PLS3: variants seen among roughly 807,000 people sequenced by gnomAD.
PLS3 encodes plastin-3.
Under a neutral mutation model 46.5 loss-of-function variants are expected in PLS3, and 11 were observed. The observed-to-expected ratio is 0.24, with a 90% CI of 0.15 to 0.39. The LOEUF is 0.39. Among genes scored for constraint, PLS3 ranks in the 10% least tolerant of loss-of-function variants. The probability of loss-of-function intolerance (pLI) is 1.00; values close to 1 mark genes in which losing one functional copy is unlikely to be tolerated. For synonymous variants in PLS3, 167 were observed against 162.2 expected, an observed-to-expected ratio of 1.03 and a Z score of -0.22; for missense variants, 308 against 461.8, an observed-to-expected ratio of 0.67 and a Z score of 3.05.
At chrX:115,607,943 G>C (rs899010311) in intron 1 of PLS3, among the ~76,000 whole-genome samples, 7 of 111,985 alleles carry the variant, frequency 6.3e-5, no homozygotes, top group African/African-American at 2.3e-4. Context: ...CCAGTCCTGA[G>C]AGCCCAGGTC....
chrX:115,620,485 C>A (rs1450631054), intron 2 of PLS3, among the ~76,000 whole-genome samples: 2 of 109,712 alleles, frequency 1.8e-5, no homozygotes, highest in African/African-American at 3.3e-5. Context: ...TCTCTATAAC[C>A]CAGGGTTACT....
intron 1 of PLS3, among the ~76,000 whole-genome samples, chrX:115,561,791 G>T (rs782608138): frequency 2.7e-5 from 3 of 111,339 alleles, no homozygotes; most frequent in Non-Finnish European, 5.7e-5. Flanking sequence ...GGCTTAAGCC[G>T]ACCCTGGGGC....
chrX:115,607,572 C>T (rs782580339), intron 1 of PLS3, among the ~76,000 whole-genome samples: 1 of 107,705 alleles, frequency 9.3e-6, no homozygotes, highest in East Asian at 3.0e-4. Context: ...GATCTCCGCT[C>T]ACTGCAACCT....
intron 1 of PLS3, among the ~76,000 whole-genome samples, chrX:115,570,704 G>A (rs1286828610): frequency 1.9e-5 from 2 of 106,510 alleles, no homozygotes; most frequent in African/African-American, 6.8e-5. Context: ...TAGTAGAGAT[G>A]GGATTTCCCC....
chrX:115,574,005 A>G (rs2074233304), intron 1 of PLS3, among the ~76,000 whole-genome samples: 1 of 111,185 alleles, frequency 9.0e-6, no homozygotes, highest in Non-Finnish European at 1.9e-5. Flanking sequence ...TGCCTGTCCC[A>G]TTGTCACAGA....
intron 2 of PLS3, among the ~76,000 whole-genome samples, chrX:115,612,377 T>G (rs1169839841): frequency 8.9e-6 from 1 of 111,802 alleles, no homozygotes; most frequent in Non-Finnish European, 1.9e-5. Context: ...TCGATTTTCT[T>G]TAAAAAATCT....
At chrX:115,577,448 A>G (rs782226620) in intron 1 of PLS3, among the ~76,000 whole-genome samples, 54 of 102,874 alleles carry the variant, frequency 5.2e-4, no homozygotes, top group Admixed American at 1.1e-3. Flanking sequence ...ATTCCAGTAT[A>G]TTGAATATAC....
At chrX:115,580,222 A>G (rs1366115270) in intron 1 of PLS3, among the ~76,000 whole-genome samples, 1 of 112,051 alleles carries the variant, frequency 8.9e-6, no homozygotes, top group Non-Finnish European at 1.9e-5. Context: ...CTTTATCAGT[A>G]TTTCCTTTTA....
intron 2 of PLS3, 34 bp downstream of exon 2, chrX:115,610,357 C>G: frequency 2.6e-6 from 2 of 765,768 alleles, no homozygotes; most frequent in Non-Finnish European, 3.9e-6. Flanking sequence ...TATAGGGAAG[C>G]AATATTTATT....
At chrX:115,620,130 A>G (rs1363036565) in intron 2 of PLS3, among the ~76,000 whole-genome samples, 2 of 111,254 alleles carry the variant, frequency 1.8e-5, no homozygotes, top group African/African-American at 6.5e-5. Flanking sequence ...AACTACACGT[A>G]GATCACACTT....
intron 2 of PLS3, among the ~76,000 whole-genome samples, chrX:115,610,547 A>G (rs782675977): frequency 2.8e-5 from 3 of 108,190 alleles, no homozygotes; most frequent in Non-Finnish European, 5.8e-5. Context: ...GTAGTATTTA[A>G]TATGGTCAAA....
intron 1 of PLS3, among the ~76,000 whole-genome samples, chrX:115,598,681 C>G (rs2074412508): frequency 1.8e-5 from 2 of 112,008 alleles, no homozygotes; most frequent in Non-Finnish European, 3.8e-5. Flanking sequence ...TATATTAAGA[C>G]TAAGTTATTA....
chrX:115,609,844 A>G (rs1298158212), intron 1 of PLS3, among the ~76,000 whole-genome samples: 1 of 112,213 alleles, frequency 8.9e-6, no homozygotes, highest in African/African-American at 3.2e-5. Flanking sequence ...ACAGTGAATG[A>G]TTCTAAAGTG....
At chrX:115,562,094 G>A (rs736292) in intron 1 of PLS3, among the ~76,000 whole-genome samples, 50,091 of 108,631 alleles carry the variant, frequency 0.46, 9,014 homozygotes, top group South Asian at 0.57. Context: ...TCTTGGAGAG[G>A]GAGAGGCAAA....
chrX:115,639,815 A>G, intron 8 of PLS3: 1 of 404,787 alleles, frequency 2.5e-6, no homozygotes. Context: ...TAAGAAAACA[A>G]CATTCAAGTG....
intron 1 of PLS3, among the ~76,000 whole-genome samples, chrX:115,581,750 GT>G (rs1278437822): frequency 1.8e-5 from 2 of 112,444 alleles, no homozygotes; most frequent in African/African-American, 6.4e-5. Context: ...CTTTAATAAA[GT>G]GTATAACTGT....
intron 3 of PLS3, among the ~76,000 whole-genome samples, chrX:115,627,405 C>T (rs1216424774): frequency 1.8e-5 from 2 of 111,642 alleles, no homozygotes; most frequent in Non-Finnish European, 3.8e-5. Flanking sequence ...GTATGTTAGG[C>T]ATGAAGAAAT....
chrX:115,595,673 T>A (rs2074380316), intron 1 of PLS3, among the ~76,000 whole-genome samples: 1 of 108,164 alleles, frequency 9.2e-6, no homozygotes, highest in African/African-American at 3.4e-5. Flanking sequence ...GGGCAATTTA[T>A]ATTTATTTTC....
intron 2 of PLS3, among the ~76,000 whole-genome samples, chrX:115,619,001 G>T (rs1242623594): frequency 8.9e-6 from 1 of 112,557 alleles, no homozygotes; most frequent in Non-Finnish European, 1.9e-5. Flanking sequence ...AAAAATGAAA[G>T]AATATTATAC....
Sources: allele counts gnomAD v4.1 joint callset (sites outside exome capture counted in the v4.1 genomes callset), GRCh38; gene constraint gnomAD v4.1.1; transcripts MANE v1.5; gene names NCBI Gene and HGNC (gene_info 2026-07-23, HGNC 2026-07-21).